SLIT2: variants seen among roughly 807,000 people sequenced by gnomAD.
SLIT2 encodes slit guidance ligand 2, also known as slit homolog 2 protein.
A neutral mutation model predicts 185.7 loss-of-function variants in SLIT2; 41 were observed. The observed-to-expected ratio is 0.22, with a 90% confidence interval of 0.17 to 0.29. The LOEUF (loss-of-function observed/expected upper bound fraction) is 0.29, where lower values mean the gene tolerates loss of function less well. Ranked by LOEUF, SLIT2 falls within the 10% of genes least tolerant of loss-of-function variation. SLIT2 has a pLI of 1.00. For synonymous variants in SLIT2, 693 were observed against 680.2 expected (o/e 1.02, Z -0.29); for missense variants, 1,571 against 1,909.0 (o/e 0.82, Z 3.30).
intron 33 of SLIT2, among the ~76,000 whole-genome samples, chr4:20,601,122 A>T (rs1024746042): frequency 2.6e-5 from 4 of 152,312 alleles, no homozygotes; most frequent in Admixed American, 2.6e-4. Context: ...CTTCTGCATG[A>T]ATACCATTTT....
chr4:20,490,279 T>G (rs1031204035), intron 8 of SLIT2, among the ~76,000 whole-genome samples: 1 of 152,192 alleles, frequency 6.6e-6, no homozygotes. Context: ...ATCTCTATAT[T>G]TGGAGATTCA....
chr4:20,456,305 T>C (rs757344429), intron 4 of SLIT2, among the ~76,000 whole-genome samples: 1 of 152,092 alleles, frequency 6.6e-6, no homozygotes, highest in Non-Finnish European at 1.5e-5. Flanking sequence ...CAAACACTAT[T>C]TTCTTAGCCC....
At chr4:20,419,122 C>T (rs1255287443) in intron 4 of SLIT2, among the ~76,000 whole-genome samples, 1 of 152,126 alleles carries the variant, frequency 6.6e-6, no homozygotes, top group African/African-American at 2.4e-5. Flanking sequence ...AATTTCAAAA[C>T]ATTTGTAAAT....
At chr4:20,431,173 A>G (rs1728945324) in intron 4 of SLIT2, among the ~76,000 whole-genome samples, 1 of 152,174 alleles carries the variant, frequency 6.6e-6, no homozygotes. Flanking sequence ...ATCTTCTTCA[A>G]GGTCGTTTCT....
At chr4:20,519,354 T>G (rs1454061760) in intron 11 of SLIT2, 28 bp from the exon 12 acceptor site, 10 of 1,204,604 alleles carry the variant, frequency 8.3e-6, no homozygotes, top group Non-Finnish European at 1.2e-5. Context: ...TGGTGTCTAA[T>G]TTTTTTCATT....
intron 4 of SLIT2, among the ~76,000 whole-genome samples, chr4:20,352,414 T>A (rs1721959644): frequency 6.6e-6 from 1 of 152,168 alleles, no homozygotes; most frequent in Non-Finnish European, 1.5e-5. Context: ...CAACCCAGAT[T>A]AATACAGGTT....
Position 20,567,505 on chromosome 4 carries a change from CCTT to C in SLIT2, c.2851-7_2851-5del. 6.2e-7 allele frequency: 1 copy of C among 1,612,428 alleles called. No individual in the cohort carries two copies. The highest frequency in any genetic ancestry group is 8.5e-7 in the Non-Finnish European group (1 of 1,178,796). ...ACTACTTCACTCGACTATACTTGCC[CCTT>C]CTTCTCCAGGGGCAGGACTGTGATG... On this transcript the variant is annotated splice_polypyrimidine_tract_variant and intron_variant, in intron 27 of 36. Transcript: ENST00000504154.
At chr4:20,539,099 C>T (rs1722573732) in intron 18 of SLIT2, among the ~76,000 whole-genome samples, 4 of 152,110 alleles carry the variant, frequency 2.6e-5, no homozygotes. Flanking sequence ...TCACAGGGCT[C>T]CGAGGACTCA....
At chr4:20,516,473 T>C (rs940376415) in intron 11 of SLIT2, among the ~76,000 whole-genome samples, 2 of 152,204 alleles carry the variant, frequency 1.3e-5, no homozygotes, top group African/African-American at 4.8e-5. Context: ...CCCTCATGTA[T>C]TGATTTTCTT....
At chr4:20,314,324 T>C (rs934841043) in intron 4 of SLIT2, among the ~76,000 whole-genome samples, 7 of 152,222 alleles carry the variant, frequency 4.6e-5, no homozygotes, top group African/African-American at 1.7e-4. Flanking sequence ...AACAACCTTC[T>C]TTCCCGCTTG....
rs565997331 is a variant in SLIT2 at position 20,459,261 on chromosome 4, A to C, written c.396-8491A>C. The stretch of plus-strand genomic sequence containing the variant: ...AATTTTATTAAGATTTGCAAGAGGA[A>C]AGACATACATAGAAGAGATGCATAT... On this transcript the variant is annotated intron_variant, in intron 4 of 36. Transcript: ENST00000504154. Among the ~76,000 whole-genome samples, 3 of 152,316 alleles carry C rather than the reference A, an allele frequency of 2.0e-5. No individual in the cohort carries two copies. In the South Asian group the frequency reaches 6.2e-4, roughly 32 times the overall value.
chr4:20,451,434 C>T (rs1356434562), intron 4 of SLIT2, among the ~76,000 whole-genome samples: 1 of 152,126 alleles, frequency 6.6e-6, no homozygotes, highest in Admixed American at 6.5e-5. Flanking sequence ...TGCTATAAGT[C>T]AGAAAAGGCT....
At chr4:20,352,296 C>T (rs1721946813) in intron 4 of SLIT2, among the ~76,000 whole-genome samples, 1 of 139,550 alleles carries the variant, frequency 7.2e-6, no homozygotes, top group Non-Finnish European at 1.6e-5. Context: ...AGCCTCTTCT[C>T]ACCTTTTTTT....
intron 4 of SLIT2, among the ~76,000 whole-genome samples, chr4:20,321,165 A>G (rs943431773): frequency 3.3e-5 from 5 of 152,128 alleles, no homozygotes; most frequent in African/African-American, 1.2e-4. Flanking sequence ...AACTAAAGCT[A>G]AATTTACCAG....
chr4:20,256,621 A>G, intron 1 of SLIT2, 51 bp from the exon 2 acceptor site: 1 of 886,388 alleles, frequency 1.1e-6, no homozygotes, highest in Non-Finnish European at 1.8e-6. Flanking sequence ...TACTTGAAGC[A>G]GGTAAACATA....
chr4:20,347,315 C>T (rs566664715), intron 4 of SLIT2, among the ~76,000 whole-genome samples: 3 of 152,340 alleles, frequency 2.0e-5, no homozygotes, highest in African/African-American at 7.2e-5. Context: ...ATACCATATA[C>T]TGTTCCAGCT....
chr4:20,388,777 G>A (rs1483398034), intron 4 of SLIT2, among the ~76,000 whole-genome samples: 1 of 85,018 alleles, frequency 1.2e-5, no homozygotes, highest in African/African-American at 4.1e-5. Context: ...CCGTCTCAGG[G>A]GAAAAAAAAA....
At chr4:20,385,429 G>A (rs984187530) in intron 4 of SLIT2, among the ~76,000 whole-genome samples, 1 of 152,102 alleles carries the variant, frequency 6.6e-6, no homozygotes, top group Non-Finnish European at 1.5e-5. Flanking sequence ...AATGGATTGA[G>A]GGAGATGTGA....
At chr4:20,390,791 C>A (rs1725358875) in intron 4 of SLIT2, among the ~76,000 whole-genome samples, 2 of 144,660 alleles carry the variant, frequency 1.4e-5, no homozygotes, top group African/African-American at 2.5e-5. Context: ...TATATATATA[C>A]TAAGACAATT....
Sources: allele counts gnomAD v4.1 joint callset (sites outside exome capture counted in the v4.1 genomes callset), GRCh38; gene constraint gnomAD v4.1.1; transcripts MANE v1.5; gene names NCBI Gene and HGNC (gene_info 2026-07-23, HGNC 2026-07-21).